RNF128: variants seen among roughly 807,000 people sequenced by gnomAD.
The protein encoded by RNF128 is E3 ubiquitin-protein ligase RNF128.
In RNF128, 13 loss-of-function variants were observed where a neutral mutation model predicts 26.2. The observed-to-expected ratio is 0.50, with a 90% CI of 0.32 to 0.79. The LOEUF is 0.79. Ranked by LOEUF, RNF128 falls within the 30% of genes least tolerant of loss-of-function variation. The probability of loss-of-function intolerance (pLI) is 0.03; values close to 1 mark genes in which losing one functional copy is unlikely to be tolerated. For synonymous variants in RNF128, 149 were observed against 142.5 expected, an observed-to-expected ratio of 1.05 and a Z score of -0.32; for missense variants, 315 against 349.7, an observed-to-expected ratio of 0.90 and a Z score of 0.79.
Position 106,739,314 on chromosome X carries a change from C to T in RNF128, c.484+11917C>T, listed in dbSNP as rs775037839. ...AGCTGGGATTATAGGAGTGTGCTAC[C>T]ATGTCCAGCTAATTTTTGGATTTTA... On this transcript the variant is annotated intron_variant, in intron 1 of 6. Transcript: ENST00000255499. Among the ~76,000 whole-genome samples, 10 of 110,731 alleles carry T rather than the reference C, an allele frequency of 9.0e-5. No individual in the cohort carries two copies. In the South Asian group the frequency reaches 3.5e-3, roughly 39 times the overall value.
intron 2 of RNF128, 75 bp downstream of exon 2, chrX:106,773,235 A>C: frequency 1.0e-6 from 1 of 1,001,825 alleles, no homozygotes; most frequent in Non-Finnish European, 1.4e-6. Flanking sequence ...CCTGCATTTT[A>C]ATACATTGTA....
chrX:106,787,957 G>A lies in RNF128; in HGVS notation c.844G>A (p.Glu282Lys). 8.4e-7 allele frequency: 1 copy of A among 1,192,042 alleles called. No individual in the cohort carries two copies. Among genetic ancestry groups the A allele is most frequent in the Non-Finnish European group, 1.1e-6 (1 of 886,504 alleles). The stretch of plus-strand genomic sequence containing the variant: ...TGGAGATAGTTGTGCTGTGTGCATT[G>A]AATTGTATAAACCAAATGATTTGGT... ...PDGDSCAVCI[E>K]LYKPNDLVRI... Residue 282 changes from glutamate (E) to lysine (K), a missense_variant, in exon 4 of 7, where the codon GAA becomes AAA. Physicochemically the swap from Glu to Lys is moderately conservative, Grantham distance 56. Coordinates refer to ENST00000255499, the MANE Select transcript of RNF128 (RefSeq NM_194463.2).
At chrX:106,704,609 G>A (rs183379188) in intron 1 of RNF128, among the ~76,000 whole-genome samples, 29 of 110,769 alleles carry the variant, frequency 2.6e-4, no homozygotes, top group Middle Eastern at 4.7e-3. Flanking sequence ...GAGTCAGGAA[G>A]CACAGGGAAC....
rs1929401145 is a variant in RNF128 at position 106,726,710 on chromosome X, G to GAGAAGACTGGAGCTCCGAGGAGCTGC, written c.-202_-177dup. ...GCCCGACGCGGCAGCCGCGGTAGCG[G>GAGAAGACTGGAGCTCCGAGGAGCTGC]AGAAGACTGGAGCTCCGAGGAGCTG... is the stretch of plus-strand genomic sequence containing the variant. On this transcript the variant is annotated 5_prime_UTR_variant, in exon 1 of 7. Coordinates refer to ENST00000255499, the MANE Select transcript of RNF128 (RefSeq NM_194463.2). The GAGAAGACTGGAGCTCCGAGGAGCTGC allele has an allele frequency of 1.9e-6, 2 of 1,029,491 alleles. No individual in the cohort carries two copies. Among genetic ancestry groups the GAGAAGACTGGAGCTCCGAGGAGCTGC allele is most frequent in the African/African-American group, 4.0e-5 (2 of 50,147 alleles). The allele number at this position is 1,029,491 out of a possible 1,213,427, so 84.8% of individuals were successfully genotyped here. A position where few individuals can be genotyped will look rare whatever the true frequency, so the allele number is the denominator to read the frequency against.
chrX:106,773,342 A>G (rs1383777754), intron 2 of RNF128, among the ~76,000 whole-genome samples, 182 bp downstream of exon 2: 2 of 111,900 alleles, frequency 1.8e-5, no homozygotes, highest in Non-Finnish European at 3.8e-5. Flanking sequence ...ATATTTGTCA[A>G]AGAACTTAAT....
intron 2 of RNF128, among the ~76,000 whole-genome samples, chrX:106,777,242 G>A (rs937320311): frequency 5.4e-5 from 6 of 112,045 alleles, no homozygotes; most frequent in African/African-American, 1.6e-4. Flanking sequence ...GCATGAAGAA[G>A]AAGTAGAATG....
At chrX:106,764,124 G>A (rs894558607) in intron 1 of RNF128, among the ~76,000 whole-genome samples, 6 of 108,544 alleles carry the variant, frequency 5.5e-5, no homozygotes, top group East Asian at 3.0e-4. Flanking sequence ...CACCACGCCC[G>A]ACTAATTTTT....
At chrX:106,765,153 T>A (rs907394571) in intron 1 of RNF128, among the ~76,000 whole-genome samples, 4 of 112,212 alleles carry the variant, frequency 3.6e-5, no homozygotes, top group Non-Finnish European at 7.5e-5. Flanking sequence ...CACACATGAC[T>A]CAGTAGAGTT....
At chrX:106,738,535 C>T (rs751128549) in intron 1 of RNF128, among the ~76,000 whole-genome samples, 5 of 111,691 alleles carry the variant, frequency 4.5e-5, no homozygotes, top group African/African-American at 9.8e-5. Context: ...GAAACTGAAA[C>T]GACTATATTA....
At chrX:106,752,192 C>A (rs1044667300) in intron 1 of RNF128, among the ~76,000 whole-genome samples, 3 of 110,702 alleles carry the variant, frequency 2.7e-5, no homozygotes, top group African/African-American at 6.6e-5. Context: ...ATTAAAGAAC[C>A]CTTGGGCCTT....
At chrX:106,782,936 A>G (rs936687781) in intron 2 of RNF128, among the ~76,000 whole-genome samples, 1 of 111,517 alleles carries the variant, frequency 9.0e-6, no homozygotes, top group Non-Finnish European at 1.9e-5. Context: ...GTTCACTGTC[A>G]CTCTATTATT....
chrX:106,740,689 C>T (rs191186201), intron 1 of RNF128, among the ~76,000 whole-genome samples: 34 of 111,395 alleles, frequency 3.1e-4, no homozygotes, highest in African/African-American at 1.1e-3. Context: ...CCCGTCTCAG[C>T]TTCTCAAAGT....
chrX:106,701,036 G>A (rs930848619), intron 1 of RNF128, among the ~76,000 whole-genome samples: 1 of 111,822 alleles, frequency 8.9e-6, no homozygotes, highest in Non-Finnish European at 1.9e-5. Context: ...ACATAAGAAA[G>A]CTATTGATAT....
At chrX:106,767,487 G>C (rs905217883) in intron 1 of RNF128, among the ~76,000 whole-genome samples, 7 of 111,467 alleles carry the variant, frequency 6.3e-5, no homozygotes, top group Middle Eastern at 4.7e-3. Flanking sequence ...TTGTGAATGG[G>C]AGTTCGCTCG....
chrX:106,767,254 G>A (rs1334906012), intron 1 of RNF128, among the ~76,000 whole-genome samples: 1 of 111,821 alleles, frequency 8.9e-6, no homozygotes, highest in Admixed American at 9.5e-5. Flanking sequence ...TATGAAGAAA[G>A]TCATTGGCAG....
chrX:106,788,642 T>C (rs1930735881), intron 4 of RNF128, among the ~76,000 whole-genome samples: 1 of 64,922 alleles, frequency 1.5e-5, no homozygotes, highest in African/African-American at 6.5e-5. Flanking sequence ...TAATATAGTA[T>C]ATAATATATA....
At chrX:106,697,141 A>C (rs1928886602) in intron 1 of RNF128, among the ~76,000 whole-genome samples, 1 of 112,242 alleles carries the variant, frequency 8.9e-6, no homozygotes, top group Non-Finnish European at 1.9e-5. Context: ...TTTCTAAATA[A>C]ACCTTTTTTG....
intron 1 of RNF128, among the ~76,000 whole-genome samples, chrX:106,719,249 A>AGTC (rs1929271311): frequency 1.9e-5 from 2 of 107,351 alleles, no homozygotes; most frequent in East Asian, 5.8e-4. Flanking sequence ...TTTGAAACAG[A>AGTC]GTCTCTGTTG....
chrX:106,746,160 A>T (rs1311072818), intron 1 of RNF128, among the ~76,000 whole-genome samples: 1 of 111,087 alleles, frequency 9.0e-6, no homozygotes, highest in Non-Finnish European at 1.9e-5. Flanking sequence ...ATGTAGTTTT[A>T]TAAGAAGAAC....
Sources: allele counts gnomAD v4.1 joint callset (sites outside exome capture counted in the v4.1 genomes callset), GRCh38; gene constraint gnomAD v4.1.1; transcripts MANE v1.5; gene names NCBI Gene and HGNC (gene_info 2026-07-23, HGNC 2026-07-21).